The following LRRTM4 variants were observed in gnomAD, a reference collection of about 807,000 sequenced individuals.
LRRTM4 encodes leucine-rich repeat transmembrane neuronal protein 4.
LRRTM4 carries 25 observed loss-of-function variants against 47.6 expected under a neutral mutation model. That is an observed-to-expected ratio of 0.53 (90% CI 0.38 to 0.73). The LOEUF (loss-of-function observed/expected upper bound fraction) is 0.73. Ranked by LOEUF, LRRTM4 falls within the 30% of genes least tolerant of loss-of-function variation. The pLI is 0.00. For missense variants in LRRTM4, 638 were observed against 713.4 expected, an observed-to-expected ratio of 0.89 and a Z score of 1.20; for synonymous variants, 311 against 269.5, an observed-to-expected ratio of 1.15 and a Z score of -1.51.
chr2:76,886,467 A>C (rs1040146915), intron 3 of LRRTM4, among the ~76,000 whole-genome samples: 3 of 152,084 alleles, frequency 2.0e-5, no homozygotes, highest in African/African-American at 7.2e-5. Context: ...CATGATTAGA[A>C]CCTTTATAAA....
intron 3 of LRRTM4, among the ~76,000 whole-genome samples, chr2:76,839,830 G>T (rs1671620415): frequency 6.6e-6 from 1 of 151,752 alleles, no homozygotes; most frequent in African/African-American, 2.4e-5. Flanking sequence ...TTGTAAAAAT[G>T]CATAAAAAGA....
chr2:76,794,855 C>A (rs1675182465), intron 3 of LRRTM4, among the ~76,000 whole-genome samples: 1 of 150,464 alleles, frequency 6.6e-6, no homozygotes, highest in South Asian at 2.1e-4. Context: ...GCCATAGGTC[C>A]CTCTAGAGGG....
At chr2:76,994,909 C>T (rs947364129) in intron 3 of LRRTM4, among the ~76,000 whole-genome samples, 2 of 151,908 alleles carry the variant, frequency 1.3e-5, no homozygotes, top group Non-Finnish European at 2.9e-5. Context: ...TCTATCTAAG[C>T]TAAATTATTA....
At chr2:76,755,768 T>C (rs10186864) in intron 3 of LRRTM4, among the ~76,000 whole-genome samples, 49,200 of 151,854 alleles carry the variant, frequency 0.32, 8,746 homozygotes, top group East Asian at 0.51. Context: ...TTATAGAATA[T>C]TAAGGAAAGC....
At chr2:77,302,801 A>G (rs1438117646) in intron 3 of LRRTM4, among the ~76,000 whole-genome samples, 2 of 152,124 alleles carry the variant, frequency 1.3e-5, no homozygotes, top group Non-Finnish European at 2.9e-5. Context: ...GGGAACTTCT[A>G]TCAGTGAGAT....
chr2:76,913,543 A>ATTTTTTTTTTTTTTTTTTTTTTTTTTTT (rs58615415), intron 3 of LRRTM4, among the ~76,000 whole-genome samples: 2 of 121,488 alleles, frequency 1.6e-5, no homozygotes, highest in Non-Finnish European at 1.6e-5. Context: ...TCCTATTTCA[A>ATTTTTTTTTTTTTTTTTTTTTTTTTTTT]TTTTTTTTTT....
chr2:76,939,257 A>G (rs1164503183), intron 3 of LRRTM4, among the ~76,000 whole-genome samples: 3 of 152,184 alleles, frequency 2.0e-5, no homozygotes, highest in East Asian at 1.9e-4. Context: ...TCTTGCTCAG[A>G]TAACATTTCA....
intron 3 of LRRTM4, among the ~76,000 whole-genome samples, chr2:77,011,260 C>G (rs1677861993): frequency 6.6e-6 from 1 of 152,092 alleles, no homozygotes; most frequent in Admixed American, 6.6e-5. Flanking sequence ...CATTTACATT[C>G]TTGTTTTCAC....
At chr2:77,121,006 G>A (rs566822595) in intron 3 of LRRTM4, among the ~76,000 whole-genome samples, 4 of 151,910 alleles carry the variant, frequency 2.6e-5, no homozygotes, top group Admixed American at 2.6e-4. Context: ...ACGTATCTGT[G>A]TACGGGCTAT....
At chr2:76,932,938 G>A (rs539364659) in intron 3 of LRRTM4, among the ~76,000 whole-genome samples, 2 of 151,988 alleles carry the variant, frequency 1.3e-5, no homozygotes, top group Non-Finnish European at 2.9e-5. Flanking sequence ...GTGGTTTGCT[G>A]TACCCATCAA....
intron 3 of LRRTM4, among the ~76,000 whole-genome samples, chr2:77,215,338 G>C (rs961808173): frequency 2.6e-5 from 4 of 152,224 alleles, no homozygotes; most frequent in Non-Finnish European, 5.9e-5. Flanking sequence ...CTAGTAAAAA[G>C]GTGTTTTAGA....
chr2:77,161,377 A>C (rs1474709266), intron 3 of LRRTM4, among the ~76,000 whole-genome samples: 1 of 152,080 alleles, frequency 6.6e-6, no homozygotes, highest in Non-Finnish European at 1.5e-5. Context: ...TGCCAGTCAA[A>C]TCATTCTTTT....
intron 3 of LRRTM4, among the ~76,000 whole-genome samples, chr2:77,350,332 CAAAAAAAAAAA>C (rs61365229): frequency 3.6e-4 from 14 of 39,186 alleles, no homozygotes; most frequent in East Asian, 1.3e-3. Flanking sequence ...GACTCCGTCT[CAAAAAAAAAAA>C]AAAAAAAAAA....
At position 77,512,162 on chromosome 2, in the gene LRRTM4, G is replaced by T. The variant is rs555516505; in HGVS notation, c.1551+6156C>A. Among the ~76,000 whole-genome samples the T allele has an allele frequency of 2.0e-5, 3 of 152,168 alleles. No homozygotes were observed. In the South Asian group the frequency reaches 6.2e-4, roughly 32 times the overall value. ...AATTTTCCATGGTTACGTTTGTTTAGATTTTAATTTCTCTTGGCAGTGATA... is the reference window on the plus strand; with the variant it reads ...AATTTTCCATGGTTACGTTTGTTTATATTTTAATTTCTCTTGGCAGTGATA... On this transcript the variant is annotated intron_variant, in intron 3 of 3. Transcript: ENST00000409884.
intron 3 of LRRTM4, among the ~76,000 whole-genome samples, chr2:76,958,596 C>T (rs1290105723): frequency 5.9e-5 from 9 of 151,728 alleles, no homozygotes; most frequent in Non-Finnish European, 2.9e-5. Flanking sequence ...AAGCCTCACA[C>T]TATCTCTCAT....
At chr2:76,972,474 G>C (rs1442709620) in intron 3 of LRRTM4, among the ~76,000 whole-genome samples, 1 of 136,734 alleles carries the variant, frequency 7.3e-6, no homozygotes, top group Non-Finnish European at 1.5e-5. Flanking sequence ...ATGGAGTGCA[G>C]TGGTGCAGTT....
chr2:76,923,541 A>T (rs1674499579), intron 3 of LRRTM4, among the ~76,000 whole-genome samples: 1 of 152,100 alleles, frequency 6.6e-6, no homozygotes, highest in African/African-American at 2.4e-5. Flanking sequence ...AAATAGAATA[A>T]TTATTGAATC....
In LRRTM4 at chr2:77,121,553, A is replaced by G. The variant is rs139364509; in HGVS notation, c.1552-372637T>C. On this transcript the variant is annotated intron_variant, in intron 3 of 3. Coordinates refer to ENST00000409884, the MANE Select transcript of LRRTM4 (RefSeq NM_001134745.3). The stretch of plus-strand genomic sequence containing the variant: ...AGATAGGTATTATTTACACACATAG[A>G]TGATTTTTATGCCATGAAATATATA... Among the ~76,000 whole-genome samples the G allele has an allele frequency of 6.6e-4, 100 of 151,986 alleles. 1 individual carries two copies. Among genetic ancestry groups the G allele is most frequent in the African/African-American group, 2.3e-3 (96 of 41,540 alleles).
chr2:76,959,597 T>A (rs1675785028), intron 3 of LRRTM4, among the ~76,000 whole-genome samples: 1 of 151,680 alleles, frequency 6.6e-6, no homozygotes, highest in Non-Finnish European at 1.5e-5. Flanking sequence ...GAAGGCAGTA[T>A]CTAAAACAGC....
Sources: gnomAD v4.1 joint callset for allele counts (sites outside exome capture counted in the v4.1 genomes callset) on GRCh38, gnomAD v4.1.1 for gene constraint, MANE v1.5 for transcripts, NCBI Gene and HGNC (gene_info 2026-07-23, HGNC 2026-07-21) for gene names.